Variants in PCDH15 observed in about 807,000 individuals in gnomAD.
PCDH15 encodes protocadherin-15.
A neutral mutation model predicts 178.5 loss-of-function variants in PCDH15; 129 were observed. The ratio of observed to expected loss-of-function variants is 0.72; its 90% CI spans 0.63 to 0.84. The LOEUF (loss-of-function observed/expected upper bound fraction) is 0.84. Ranked by LOEUF, PCDH15 falls within the 40% of genes least tolerant of loss-of-function variation. The pLI, the probability that PCDH15 is intolerant of heterozygous loss-of-function variation, is 0.00. For missense variants in PCDH15, 2,230 were observed against 2,099.9 expected, an observed-to-expected ratio of 1.06 and a Z score of -1.21; for synonymous variants, 800 against 732.0, an observed-to-expected ratio of 1.09 and a Z score of -1.50.
intron 2 of PCDH15, among the ~76,000 whole-genome samples, chr10:54,938,249 GATATT>G (rs1837954971): frequency 1.3e-5 from 2 of 150,154 alleles, no homozygotes; most frequent in African/African-American, 4.9e-5. Flanking sequence ...ATTCATTAAA[GATATT>G]ACTTTATAGT....
intron 1 of PCDH15, among the ~76,000 whole-genome samples, chr10:54,752,704 C>T (rs1201541852): frequency 9.0e-6 from 1 of 110,798 alleles, no homozygotes; most frequent in Non-Finnish European, 2.1e-5. Flanking sequence ...GATTTGAAAG[C>T]AATGAAAGTA....
chr10:55,354,072 T>G (rs1054781198), intron 2 of PCDH15, among the ~76,000 whole-genome samples: 3 of 152,050 alleles, frequency 2.0e-5, no homozygotes, highest in African/African-American at 7.2e-5. Context: ...GTCTGATTTT[T>G]GGGGAAACCA....
intron 3 of PCDH15, among the ~76,000 whole-genome samples, chr10:54,893,795 G>A (rs1019725169): frequency 6.6e-6 from 1 of 151,882 alleles, no homozygotes; most frequent in Non-Finnish European, 1.5e-5. Flanking sequence ...TTATTTACAC[G>A]ACAGCTCTAA....
At chr10:54,655,376 T>C (rs1359070824) in intron 2 of PCDH15, among the ~76,000 whole-genome samples, 2 of 149,404 alleles carry the variant, frequency 1.3e-5, no homozygotes, top group Admixed American at 6.7e-5. Flanking sequence ...ACTGGGATAT[T>C]GTAAGTTACC....
chr10:54,671,250 C>T (rs1204488322), intron 1 of PCDH15, among the ~76,000 whole-genome samples: 3 of 152,052 alleles, frequency 2.0e-5, no homozygotes, highest in Non-Finnish European at 4.4e-5. Context: ...TATTACCTGG[C>T]ACAGAAAAAT....
At chr10:55,070,446 A>G (rs1354082765) in intron 2 of PCDH15, among the ~76,000 whole-genome samples, 17 of 152,064 alleles carry the variant, frequency 1.1e-4, no homozygotes, top group Non-Finnish European at 2.2e-4. Flanking sequence ...ATCTTGAATT[A>G]ATTTTTGTAT....
intron 1 of PCDH15, among the ~76,000 whole-genome samples, chr10:54,672,214 T>C (rs1380709450): frequency 6.6e-6 from 1 of 151,332 alleles, no homozygotes; most frequent in Non-Finnish European, 1.5e-5. Context: ...TATATCATTA[T>C]ATATTATAAT....
intron 23 of PCDH15, among the ~76,000 whole-genome samples, chr10:53,941,453 C>T (rs1411558244): frequency 1.3e-5 from 2 of 152,114 alleles, no homozygotes; most frequent in African/African-American, 2.4e-5. Context: ...CCTTCTTTCA[C>T]TTAGTAATAT....
chr10:55,350,479 G>A (rs1844896250), intron 2 of PCDH15, among the ~76,000 whole-genome samples: 1 of 151,644 alleles, frequency 6.6e-6, no homozygotes, highest in African/African-American at 2.4e-5. Flanking sequence ...AGGGAAGATA[G>A]ATAAATAGAT....
chr10:54,066,963 TTGTC>T, intron 17 of PCDH15, 78 bp from the exon 18 acceptor site: 1 of 1,421,048 alleles, frequency 7.0e-7, no homozygotes, highest in Non-Finnish European at 9.8e-7. Flanking sequence ...ATTCTGGCAT[TTGTC>T]TATCTGAAAA....
At chr10:55,205,839 C>T (rs189316048) in intron 1 of PCDH15, among the ~76,000 whole-genome samples, 165 of 152,148 alleles carry the variant, frequency 1.1e-3, no homozygotes, top group Non-Finnish European at 2.2e-3. Flanking sequence ...ATTGAACTTA[C>T]GGTTCCACAT....
rs189925169 is a variant in PCDH15 at position 54,189,606 on chromosome 10, G to A, written c.1306-4338C>T. Among the ~76,000 whole-genome samples the A allele has an allele frequency of 6.1e-3, 932 of 152,132 alleles. 7 individuals carry two copies. The highest frequency in any genetic ancestry group is 0.012 in the Non-Finnish European group (783 of 67,962). ...TGAGTATATTGAATTAAATATCAAA[G>A]ATACCTCTTCATAGTAAAATAACGT... On this transcript the variant is annotated intron_variant, in intron 11 of 37. Transcript: ENST00000644397.
intron 2 of PCDH15, among the ~76,000 whole-genome samples, chr10:55,450,887 C>A (rs1452917251): frequency 1.3e-5 from 2 of 150,158 alleles, no homozygotes; most frequent in African/African-American, 2.5e-5. Context: ...TTCCAGGTCT[C>A]TCAAATATGA....
At chr10:53,981,282 C>T (rs1464828719) in intron 21 of PCDH15, among the ~76,000 whole-genome samples, 2 of 152,082 alleles carry the variant, frequency 1.3e-5, no homozygotes. Flanking sequence ...GTGTTAAACA[C>T]AATATGTTTC....
intron 2 of PCDH15, among the ~76,000 whole-genome samples, chr10:55,027,622 C>G (rs1277416552): frequency 1.3e-5 from 2 of 151,726 alleles, no homozygotes; most frequent in African/African-American, 4.8e-5. Flanking sequence ...ATAATAGAAC[C>G]TCACAACTTC....
At chr10:55,541,487 T>C (rs1040306674) in intron 2 of PCDH15, among the ~76,000 whole-genome samples, 5 of 152,154 alleles carry the variant, frequency 3.3e-5, no homozygotes, top group Non-Finnish European at 7.4e-5. Flanking sequence ...ATAGGTGTTA[T>C]GTTGTTTTAT....
intron 1 of PCDH15, among the ~76,000 whole-genome samples, chr10:54,779,866 C>T (rs572303823): frequency 1.3e-5 from 2 of 152,146 alleles, no homozygotes; most frequent in South Asian, 2.1e-4. Context: ...CAAACCTTCT[C>T]AACATTTGTG....
intron 2 of PCDH15, among the ~76,000 whole-genome samples, chr10:55,120,793 A>T (rs1439393872): frequency 1.3e-5 from 2 of 152,136 alleles, no homozygotes; most frequent in Non-Finnish European, 2.9e-5. Flanking sequence ...ACAGCTTGGG[A>T]TATACTTGCC....
intron 2 of PCDH15, among the ~76,000 whole-genome samples, chr10:55,330,165 T>C (rs1027837538): frequency 2.6e-5 from 4 of 151,980 alleles, no homozygotes; most frequent in Non-Finnish European, 4.4e-5. Flanking sequence ...CTTATTTTAA[T>C]AGTTAAATTT....
Sources: gnomAD v4.1 joint callset for allele counts (sites outside exome capture counted in the v4.1 genomes callset) on GRCh38, gnomAD v4.1.1 for gene constraint, MANE v1.5 for transcripts, NCBI Gene and HGNC (gene_info 2026-07-23, HGNC 2026-07-21) for gene names.